The following GRK5 variants were observed in gnomAD, a reference collection of about 807,000 sequenced individuals.
GRK5 encodes the protein G protein-coupled receptor kinase 5, also known as g protein-coupled receptor kinase GRK5.
In GRK5, 40 loss-of-function variants were observed where a neutral mutation model predicts 78.4. The ratio of observed to expected loss-of-function variants is 0.51; its 90% CI spans 0.40 to 0.66. The LOEUF (loss-of-function observed/expected upper bound fraction) is 0.66, where lower values mean the gene tolerates loss of function less well. GRK5 is among the 30% of genes least tolerant of loss of function. The pLI is 0.00. For missense variants in GRK5, 598 were observed against 759.9 expected, an observed-to-expected ratio of 0.79 and a Z score of 2.50; for synonymous variants, 289 against 296.8, an observed-to-expected ratio of 0.97 and a Z score of 0.27.
At chr10:119,299,846 G>T (rs1440083424) in intron 1 of GRK5, among the ~76,000 whole-genome samples, 1 of 151,798 alleles carries the variant, frequency 6.6e-6, no homozygotes, top group Non-Finnish European at 1.5e-5. Context: ...AAGTTCTAGG[G>T]TACATGTGCA....
chr10:119,326,063 TGGGGA>T (rs1850672330), intron 1 of GRK5, among the ~76,000 whole-genome samples: 1 of 152,168 alleles, frequency 6.6e-6, no homozygotes. Context: ...AGCCTCCAGC[TGGGGA>T]AGGAGACTCT....
At chr10:119,290,521 A>C (rs57928380) in intron 1 of GRK5, among the ~76,000 whole-genome samples, 3 of 152,008 alleles carry the variant, frequency 2.0e-5, no homozygotes, top group Non-Finnish European at 4.4e-5. Context: ...TTAAAGCTGC[A>C]TCTGACCATT....
chr10:119,327,469 C>T (rs1297401645), intron 2 of GRK5, among the ~76,000 whole-genome samples: 2 of 152,168 alleles, frequency 1.3e-5, no homozygotes, highest in African/African-American at 2.4e-5. Context: ...GTGCTGAACA[C>T]GTTTAAGAAG....
At chr10:119,274,716 G>A (rs950137120) in intron 1 of GRK5, among the ~76,000 whole-genome samples, 2 of 152,178 alleles carry the variant, frequency 1.3e-5, no homozygotes, top group African/African-American at 4.8e-5. Context: ...TGAAGTTAGA[G>A]TTTTCGGTTT....
At chr10:119,453,627 C>T (rs924468574) in intron 15 of GRK5, among the ~76,000 whole-genome samples, 6 of 152,196 alleles carry the variant, frequency 3.9e-5, no homozygotes, top group African/African-American at 1.4e-4. Context: ...AGCAACACGC[C>T]ATCCCCCAGT....
chr10:119,232,742 G>A (rs1726185060), intron 1 of GRK5, among the ~76,000 whole-genome samples: 2 of 152,192 alleles, frequency 1.3e-5, no homozygotes, highest in South Asian at 4.1e-4. Flanking sequence ...GGCTTCCCCA[G>A]CCATGTGAAA....
In GRK5 at chr10:119,253,205, C is replaced by T. The variant is rs1302377361; in HGVS notation, c.52+45236C>T. 6.6e-6 allele frequency among the ~76,000 whole-genome samples: 1 copy of T among 152,198 alleles called. No individual in the cohort carries two copies. Among genetic ancestry groups the T allele is most frequent in the Admixed American group, 6.5e-5 (1 of 15,282 alleles). ...ACCCAGTGCCCCCTTGAGCTCACATCTGAGGGTCTGTTGAGATTACAGAGG... is the reference window on the plus strand; with the variant it reads ...ACCCAGTGCCCCCTTGAGCTCACATTTGAGGGTCTGTTGAGATTACAGAGG... On this transcript the variant is annotated intron_variant, in intron 1 of 15. Transcript: ENST00000392870. This position sits in a 1 kb window ranked among gnomAD's most constrained non-coding sequence, Gnocchi z 5.7.
In GRK5 at chr10:119,418,075, G is replaced by A. The variant is rs371903450; in HGVS notation, c.340-5091G>A. Among the ~76,000 whole-genome samples, 115 of 152,292 alleles carry A rather than the reference G, an allele frequency of 7.6e-4. 1 individual carries two copies. Among genetic ancestry groups the A allele is most frequent in the East Asian group, 2.9e-3 (15 of 5,172 alleles). On this transcript the variant is annotated intron_variant, in intron 4 of 15. Transcript: ENST00000392870. ...CCCGAGGGGAGTTCCAAACCAGCAC[G>A]AGCTCTGTCCGATCTGCCCGCTGGA...
chr10:119,453,039 G>C (rs1853322701), intron 14 of GRK5, 106 bp from the exon 15 acceptor site: 1 of 880,546 alleles, frequency 1.1e-6, no homozygotes, highest in Non-Finnish European at 1.9e-6. Flanking sequence ...AGGGCGTGTG[G>C]CTCAGGGGCA....
intron 3 of GRK5, among the ~76,000 whole-genome samples, chr10:119,383,070 C>A (rs111690180): frequency 0.04 from 6,090 of 152,126 alleles, 165 homozygotes; most frequent in African/African-American, 0.074. Flanking sequence ...TACAGGCGCC[C>A]GCCACTACAC....
intron 1 of GRK5, among the ~76,000 whole-genome samples, chr10:119,249,796 C>T (rs1849172120): frequency 6.6e-6 from 1 of 152,232 alleles, no homozygotes. Context: ...CCACTGCGTC[C>T]AGCTGACTTT....
At chr10:119,326,657 G>T in intron 2 of GRK5, 46 bp downstream of exon 2, 3 of 1,454,128 alleles carry the variant, frequency 2.1e-6, no homozygotes, top group Non-Finnish European at 2.9e-6. Context: ...AGTAGCAGGT[G>T]ATCCGCCAAG....
chr10:119,448,397 C>T, intron 13 of GRK5, 137 bp downstream of exon 13: 1 of 943,226 alleles, frequency 1.1e-6, no homozygotes, highest in Non-Finnish European at 1.5e-6. Flanking sequence ...CCCTCCCGGC[C>T]ACTCCTCACC....
At chr10:119,211,103 G>T (rs1186566301) in intron 1 of GRK5, among the ~76,000 whole-genome samples, 1 of 152,146 alleles carries the variant, frequency 6.6e-6, no homozygotes, top group Non-Finnish European at 1.5e-5. Context: ...AAAGGTAGAG[G>T]TATGGGTTCA....
At chr10:119,277,880 A>G (rs528834779) in intron 1 of GRK5, among the ~76,000 whole-genome samples, 1 of 152,042 alleles carries the variant, frequency 6.6e-6, no homozygotes, top group African/African-American at 2.4e-5. Context: ...CTTACTCAGC[A>G]TGAAGATTTT....
chr10:119,252,010 C>T lies in GRK5; in HGVS notation c.52+44041C>T, dbSNP rs375264052. ...CCACCCTCCCTGCCTTGAGATATTG[C>T]TGCATCTGGACAGATGTGCCAAGTA... On this transcript the variant is annotated intron_variant, in intron 1 of 15. Coordinates refer to ENST00000392870, the MANE Select transcript of GRK5 (RefSeq NM_005308.3). Among the ~76,000 whole-genome samples the T allele has an allele frequency of 2.4e-4, 36 of 152,332 alleles. 1 individual carries two copies. In the South Asian group the frequency reaches 3.1e-3, roughly 13 times the overall value.
chr10:119,296,132 A>G (rs75729302), intron 1 of GRK5, among the ~76,000 whole-genome samples: 1 of 152,128 alleles, frequency 6.6e-6, no homozygotes, highest in East Asian at 1.9e-4. Context: ...GGCTCTTCTT[A>G]TTTTTCTCCA....
In GRK5 at chr10:119,443,584, C is replaced by T. The variant is rs781531231; in HGVS notation, c.1098C>T (p.Pro366=). 33 of 1,612,896 alleles carry T rather than the reference C, an allele frequency of 2.0e-5. No homozygotes were observed. The highest frequency in any genetic ancestry group is 1.6e-4 in the East Asian group (7 of 44,844). Residue 366 remains proline (P), a synonymous_variant, in exon 12 of 16, where the codon CCC becomes CCT. Coordinates refer to ENST00000392870, the MANE Select transcript of GRK5 (RefSeq NM_005308.3). ...ACAACCAGAGGTACGGCCTGAGCCC[C>T]GACTACTGGGGCCTTGGCTGCCTCA... is the stretch of plus-strand genomic sequence containing the variant. ...VLNNQRYGLS[P]DYWGLGCLIY... is the part of the protein sequence containing the mutation.
At chr10:119,261,000 CA>C (rs1849377303) in intron 1 of GRK5, among the ~76,000 whole-genome samples, 1 of 95,854 alleles carries the variant, frequency 1.0e-5, no homozygotes, top group Non-Finnish European at 2.2e-5. Flanking sequence ...AGGCACCCCT[CA>C]CCTCCCGGAC....
Sources: gnomAD v4.1 joint callset for allele counts (sites outside exome capture counted in the v4.1 genomes callset) on GRCh38, gnomAD v4.1.1 for gene constraint, Gnocchi (gnomAD v3.1) non-coding constraint, MANE v1.5 for transcripts, NCBI Gene and HGNC (gene_info 2026-07-23, HGNC 2026-07-21) for gene names.